The following BMP5 variants were observed in gnomAD, a reference collection of about 807,000 sequenced individuals.
BMP5 encodes bone morphogenetic protein 5.
Under a neutral mutation model 46.6 loss-of-function variants are expected in BMP5, and 23 were observed. The observed-to-expected ratio is 0.49, with a 90% CI of 0.35 to 0.70. The LOEUF (loss-of-function observed/expected upper bound fraction) is 0.70, where lower values mean the gene tolerates loss of function less well. Among genes scored for constraint, BMP5 ranks in the 30% least tolerant of loss-of-function variants. The pLI is 0.00. For synonymous variants in BMP5, 204 were observed against 191.9 expected (o/e 1.06, Z -0.52); for missense variants, 545 against 565.6 (o/e 0.96, Z 0.37).
At chr6:55,824,934 T>C in intron 1 of BMP5, among the ~76,000 whole-genome samples, 1 of 151,872 alleles carries the variant, frequency 6.6e-6, no homozygotes, top group Middle Eastern at 3.2e-3. Flanking sequence ...AGCCATTTAA[T>C]ATCACCATAA....
At chr6:55,785,805 A>T (rs1775434494) in intron 3 of BMP5, among the ~76,000 whole-genome samples, 1 of 151,602 alleles carries the variant, frequency 6.6e-6, no homozygotes, top group Admixed American at 6.6e-5. Context: ...TTATGTTTTG[A>T]TGTTTTTGAA....
intron 1 of BMP5, among the ~76,000 whole-genome samples, chr6:55,850,363 T>C (rs1268065952): frequency 2.1e-4 from 28 of 134,076 alleles, no homozygotes; most frequent in African/African-American, 8.5e-4. Context: ...GGTAGATAGA[T>C]AGATAGATAG....
intron 3 of BMP5, among the ~76,000 whole-genome samples, chr6:55,791,778 C>A (rs1775577282): frequency 6.6e-6 from 1 of 152,110 alleles, no homozygotes; most frequent in Non-Finnish European, 1.5e-5. Context: ...TAAAAGGAAA[C>A]AGGCTGATCA....
chr6:55,827,490 A>G (rs1002740443), intron 1 of BMP5, among the ~76,000 whole-genome samples: 4 of 151,780 alleles, frequency 2.6e-5, no homozygotes, highest in African/African-American at 4.8e-5. Flanking sequence ...CACGTAGCAC[A>G]TATTTGAAGG....
chr6:55,801,209 C>G (rs1001564158), intron 2 of BMP5, among the ~76,000 whole-genome samples: 1 of 152,168 alleles, frequency 6.6e-6, no homozygotes, highest in East Asian at 1.9e-4. Context: ...AAGGTGGCAG[C>G]GAAGCAGTAG....
intron 3 of BMP5, among the ~76,000 whole-genome samples, chr6:55,793,165 A>G (rs1775615632): frequency 6.6e-6 from 1 of 152,194 alleles, no homozygotes; most frequent in Non-Finnish European, 1.5e-5. Flanking sequence ...TCAAAGGGCA[A>G]CAAAGATCTG....
intron 3 of BMP5, among the ~76,000 whole-genome samples, chr6:55,781,898 TG>T (rs1775327462): frequency 2.0e-5 from 3 of 152,180 alleles, no homozygotes; most frequent in Admixed American, 6.6e-5. Flanking sequence ...GTTAAATATT[TG>T]ACCTTCCCTT....
intron 4 of BMP5, among the ~76,000 whole-genome samples, chr6:55,762,899 C>T (rs146254395): frequency 9.3e-4 from 142 of 151,982 alleles, no homozygotes; most frequent in African/African-American, 3.3e-3. Flanking sequence ...TAAAAGCAAC[C>T]GTAGACAATA....
At chr6:55,809,851 TACA>T (rs1776082265) in intron 2 of BMP5, among the ~76,000 whole-genome samples, 1 of 152,130 alleles carries the variant, frequency 6.6e-6, no homozygotes, top group Non-Finnish European at 1.5e-5. Context: ...TTTCATAAAG[TACA>T]AAACTTGTAG....
chr6:55,757,629 G>A (rs1774642200), intron 6 of BMP5, among the ~76,000 whole-genome samples: 1 of 151,916 alleles, frequency 6.6e-6, no homozygotes, highest in African/African-American at 2.4e-5. Context: ...TAGCAAAGGT[G>A]AAGTCATATC....
In BMP5 at chr6:55,774,196, G is replaced by A; in HGVS notation, c.880C>T (p.Pro294Ser). 1 of 1,613,092 alleles carries A rather than the reference G, an allele frequency of 6.2e-7. No homozygotes were observed. Among genetic ancestry groups the A allele is most frequent in the Non-Finnish European group, 8.5e-7 (1 of 1,179,418 alleles). The change falls in exon 4 of 7, where the codon CCT becomes TCT. Residue 294 changes from proline (P) to serine (S), a missense_variant. Coordinates refer to ENST00000370830, the MANE Select transcript of BMP5 (RefSeq NM_021073.4). The part of the protein sequence containing the change: ...KSAGLVGRQG[P>S]QSKQPFMVAF... ...ACCATGAATGGTTGTTTTGACTGAG[G>A]TCCCTGTCTTCCCACAAGACCAGCA... is the stretch of plus-strand genomic sequence containing the variant.
At chr6:55,857,257 T>C (rs1303790495) in intron 1 of BMP5, among the ~76,000 whole-genome samples, 1 of 152,200 alleles carries the variant, frequency 6.6e-6, no homozygotes, top group Non-Finnish European at 1.5e-5. Context: ...AATTGTTGCT[T>C]AAATGACATT....
At chr6:55,824,098 A>G (rs1776473861) in intron 1 of BMP5, among the ~76,000 whole-genome samples, 1 of 151,958 alleles carries the variant, frequency 6.6e-6, no homozygotes. Context: ...ATGAAAAAGA[A>G]CAAACACACA....
At chr6:55,758,730 C>A (rs1005384885) in intron 6 of BMP5, among the ~76,000 whole-genome samples, 1 of 151,848 alleles carries the variant, frequency 6.6e-6, no homozygotes, top group Non-Finnish European at 1.5e-5. Flanking sequence ...CTTAGTCATA[C>A]TGTGTAATGA....
chr6:55,844,309 A>G (rs1365837293), intron 1 of BMP5, among the ~76,000 whole-genome samples: 2 of 152,080 alleles, frequency 1.3e-5, no homozygotes, highest in Non-Finnish European at 2.9e-5. Flanking sequence ...TTATTTGGAT[A>G]ATCAAATAAA....
At chr6:55,772,696 C>G in intron 4 of BMP5, 17 of 938,242 alleles carry the variant, frequency 1.8e-5, no homozygotes, top group Non-Finnish European at 2.0e-5. Context: ...TAGTGTCATG[C>G]TTTACTAAAA....
chr6:55,861,342 C>A (rs952703386), intron 1 of BMP5, among the ~76,000 whole-genome samples: 15 of 152,192 alleles, frequency 9.9e-5, no homozygotes, highest in Non-Finnish European at 1.8e-4. Context: ...TTGGAAATCA[C>A]CCAGCATACA....
At chr6:55,798,465 T>C (rs113923562) in intron 2 of BMP5, among the ~76,000 whole-genome samples, 43 of 152,312 alleles carry the variant, frequency 2.8e-4, no homozygotes, top group African/African-American at 1.0e-3. Context: ...TTTATATTAA[T>C]AGAAATCATA....
At chr6:55,841,454 G>A (rs1261767286) in intron 1 of BMP5, among the ~76,000 whole-genome samples, 1 of 151,888 alleles carries the variant, frequency 6.6e-6, no homozygotes, top group African/African-American at 2.4e-5. Flanking sequence ...AAGTATAATG[G>A]CCCAGAGTCC....
Sources: gnomAD v4.1 joint callset for allele counts (sites outside exome capture counted in the v4.1 genomes callset) on GRCh38, gnomAD v4.1.1 for gene constraint, MANE v1.5 for transcripts, NCBI Gene and HGNC (gene_info 2026-07-23, HGNC 2026-07-21) for gene names.